The following TAOK1 variants were observed in gnomAD, a reference collection of about 807,000 sequenced individuals.
TAOK1 encodes the protein serine/threonine-protein kinase TAO1.
TAOK1 carries 21 observed loss-of-function variants against 138.3 expected under a neutral mutation model. The ratio of observed to expected loss-of-function variants is 0.15; its 90% CI spans 0.11 to 0.22. The LOEUF (loss-of-function observed/expected upper bound fraction) is 0.22. Ranked by LOEUF, TAOK1 falls within the 10% of genes least tolerant of loss-of-function variation. The probability of loss-of-function intolerance (pLI) is 1.00; values close to 1 mark genes in which losing one functional copy is unlikely to be tolerated. For missense variants in TAOK1, 651 were observed against 1,227.7 expected, an observed-to-expected ratio of 0.53 and a Z score of 7.02; for synonymous variants, 361 against 398.4, an observed-to-expected ratio of 0.91 and a Z score of 1.12.
At chr17:29,433,339 G>A (rs977441453) in intron 1 of TAOK1, among the ~76,000 whole-genome samples, 3 of 151,314 alleles carry the variant, frequency 2.0e-5, no homozygotes, top group Admixed American at 6.6e-5. Context: ...GCTGAGGCAC[G>A]AGAATTGCTT....
At position 29,551,121 on chromosome 17, in the gene TAOK1, T is replaced by TAAGC. The variant is rs2032486066; in HGVS notation, c.*8103_*8106dup. The TAAGC allele has an allele frequency of 6.6e-6, 1 of 152,212 alleles. No homozygotes were observed. The highest frequency in any genetic ancestry group is 6.5e-5 in the Admixed American group (1 of 15,280). The allele number at this position is 152,212 out of a possible 1,614,324, so 9.4% of individuals were successfully genotyped here. ...TGGTGGCTAAAGGGAATATGTTAAT[T>TAAGC]AAGCAAGAGGTTCTTTTCTAAAAGT... On this transcript the variant is annotated 3_prime_UTR_variant, in exon 20 of 20. Coordinates refer to ENST00000261716, the MANE Select transcript of TAOK1 (RefSeq NM_020791.4).
intron 7 of TAOK1, among the ~76,000 whole-genome samples, chr17:29,480,871 C>CAAAAAAAA (rs398070899): frequency 1.1e-4 from 11 of 96,838 alleles, no homozygotes; most frequent in Non-Finnish European, 1.3e-4. Context: ...CCCTGTCTCT[C>CAAAAAAAA]AAAAAAAAAA....
At chr17:29,521,966 A>G (rs1272918155) in intron 16 of TAOK1, among the ~76,000 whole-genome samples, 2 of 152,228 alleles carry the variant, frequency 1.3e-5, no homozygotes. Context: ...AATTGAAAGG[A>G]TAACTTAGGA....
intron 17 of TAOK1, 96 bp from the exon 18 acceptor site, chr17:29,530,311 T>G: frequency 8.9e-7 from 1 of 1,123,500 alleles, no homozygotes; most frequent in African/African-American, 1.6e-5. Flanking sequence ...CCTCTCATTT[T>G]TTTCCTAGTA....
At chr17:29,535,165 G>A (rs1395731155) in intron 19 of TAOK1, among the ~76,000 whole-genome samples, 1 of 151,958 alleles carries the variant, frequency 6.6e-6, no homozygotes, top group Non-Finnish European at 1.5e-5. Flanking sequence ...TTAAAAATTA[G>A]CTGAGTGTGG....
intron 19 of TAOK1, among the ~76,000 whole-genome samples, chr17:29,541,584 T>A (rs896317780): frequency 1.3e-4 from 19 of 150,630 alleles, no homozygotes; most frequent in Non-Finnish European, 2.5e-4. Flanking sequence ...AAGATCAGCC[T>A]TGCCAACATG....
At chr17:29,515,295 A>G (rs1282254744) in intron 15 of TAOK1, among the ~76,000 whole-genome samples, 1 of 152,180 alleles carries the variant, frequency 6.6e-6, no homozygotes, top group East Asian at 1.9e-4. Flanking sequence ...CAAGGATGTC[A>G]AAAACCAAGA....
At chr17:29,432,272 G>T (rs1248355315) in intron 1 of TAOK1, among the ~76,000 whole-genome samples, 1 of 152,244 alleles carries the variant, frequency 6.6e-6, no homozygotes, top group Admixed American at 6.5e-5. Context: ...GCCCTGGCTA[G>T]TTATCTGCAG....
chr17:29,447,440 C>T (rs534744905), intron 1 of TAOK1, among the ~76,000 whole-genome samples: 57 of 152,200 alleles, frequency 3.7e-4, no homozygotes, highest in African/African-American at 1.3e-3. Flanking sequence ...AAGCAATTCT[C>T]CCACCTCAGC....
intron 1 of TAOK1, among the ~76,000 whole-genome samples, chr17:29,422,291 A>C (rs1163373197): frequency 1.4e-5 from 2 of 144,516 alleles, no homozygotes; most frequent in Non-Finnish European, 3.0e-5. Flanking sequence ...GCCATCCCCA[A>C]CTCCTGGGTT....
At chr17:29,423,190 T>C (rs180804424) in intron 1 of TAOK1, among the ~76,000 whole-genome samples, 25 of 146,992 alleles carry the variant, frequency 1.7e-4, no homozygotes, top group Admixed American at 1.6e-3. Context: ...TTAATCTGGA[T>C]GCTTATATTT....
rs1413226580 is a variant in TAOK1, at chr17:29,547,350, G to T, written c.*4328G>T. 6.6e-6 allele frequency: 1 copy of T among 152,048 alleles called. No homozygotes were observed. Among genetic ancestry groups the T allele is most frequent in the Non-Finnish European group, 1.5e-5 (1 of 67,970 alleles). 9.4% of individuals were successfully genotyped at this position (152,048 alleles called of 1,614,324 possible). A position where few individuals can be genotyped will look rare whatever the true frequency, so the allele number is the denominator to read the frequency against. On this transcript the variant is annotated 3_prime_UTR_variant, in exon 20 of 20. Transcript: ENST00000261716. ...ATGGCCACTGGGAGAGAAGGATTTG[G>T]TATTGGGTGAGGGGCTTTCTCCCTT...
chr17:29,403,160 C>CAAAAAA (rs34253777), intron 1 of TAOK1, among the ~76,000 whole-genome samples: 7 of 60,062 alleles, frequency 1.2e-4, no homozygotes, highest in African/African-American at 2.3e-4. Context: ...GATTTTGTCT[C>CAAAAAA]AAAAAAAAAA....
At chr17:29,535,709 C>T (rs946929903) in intron 19 of TAOK1, among the ~76,000 whole-genome samples, 7 of 151,588 alleles carry the variant, frequency 4.6e-5, no homozygotes, top group Non-Finnish European at 7.4e-5. Context: ...CAAAAATTGG[C>T]CAAGTGTGGT....
chr17:29,478,938 A>G (rs946366064), intron 6 of TAOK1, among the ~76,000 whole-genome samples: 5 of 152,112 alleles, frequency 3.3e-5, no homozygotes, highest in African/African-American at 1.2e-4. Context: ...CTGGCCAACC[A>G]ATATGGTAAA....
chr17:29,538,592 T>G (rs1834871), intron 19 of TAOK1, among the ~76,000 whole-genome samples: 151,128 of 152,334 alleles, frequency 0.99, 75,006 homozygotes, highest in Middle Eastern at 1. Flanking sequence ...TGTACATACA[T>G]ATAAGAAGGA....
chr17:29,412,189 T>C (rs1367103502), intron 1 of TAOK1, among the ~76,000 whole-genome samples: 2 of 152,000 alleles, frequency 1.3e-5, no homozygotes, highest in African/African-American at 2.4e-5. Flanking sequence ...ACTACAGGCA[T>C]GCGCCACCAT....
chr17:29,457,695 T>C (rs1005664515), intron 2 of TAOK1, among the ~76,000 whole-genome samples: 2 of 151,082 alleles, frequency 1.3e-5, no homozygotes, highest in Non-Finnish European at 3.0e-5. Flanking sequence ...CGTGAGCCAC[T>C]GCACCTTGCC....
intron 13 of TAOK1, among the ~76,000 whole-genome samples, chr17:29,505,234 T>C (rs1949271977): frequency 6.6e-6 from 1 of 152,218 alleles, no homozygotes; most frequent in Non-Finnish European, 1.5e-5. Context: ...CCTTGGATTT[T>C]TTTCATACAA....
Sources: allele counts gnomAD v4.1 joint callset (sites outside exome capture counted in the v4.1 genomes callset), GRCh38; gene constraint gnomAD v4.1.1; transcripts MANE v1.5; gene names NCBI Gene and HGNC (gene_info 2026-07-23, HGNC 2026-07-21).